The following WDR7 variants were observed in gnomAD, a reference collection of about 807,000 sequenced individuals.
WDR7 encodes WD repeat domain 7, also known as WD repeat-containing protein 7.
A neutral mutation model predicts 169.4 loss-of-function variants in WDR7; 46 were observed. The ratio of observed to expected loss-of-function variants is 0.27; its 90% CI spans 0.21 to 0.35. The LOEUF is 0.35. WDR7 is among the 10% of genes least tolerant of loss of function. The pLI is 1.00. For synonymous variants in WDR7, 612 were observed against 666.8 expected, an observed-to-expected ratio of 0.92 and a Z score of 1.27; for missense variants, 1,534 against 1,859.3, an observed-to-expected ratio of 0.83 and a Z score of 3.22.
At chr18:56,809,192 C>A (rs905724774) in intron 19 of WDR7, among the ~76,000 whole-genome samples, 2 of 152,120 alleles carry the variant, frequency 1.3e-5, no homozygotes, top group Non-Finnish European at 2.9e-5. Flanking sequence ...TGGATACTCA[C>A]TGGTTTTTTA....
chr18:56,794,172 C>T (rs2044539737), intron 19 of WDR7, among the ~76,000 whole-genome samples: 1 of 151,938 alleles, frequency 6.6e-6, no homozygotes, highest in South Asian at 2.1e-4. Context: ...TGCCTAGTTT[C>T]AATGGTTACT....
intron 26 of WDR7, among the ~76,000 whole-genome samples, chr18:56,963,961 CCTTGT>C (rs2047370590): frequency 6.7e-6 from 1 of 150,274 alleles, no homozygotes; most frequent in Non-Finnish European, 1.5e-5. Context: ...AACAAGGTGA[CCTTGT>C]CAGGCTTCTT....
At chr18:57,034,925 C>T in the WDR7 span, 186 of 152,232 alleles carry the variant, frequency 1.2e-3, no homozygotes, top group African/African-American at 4.3e-3. Flanking sequence ...GCTGAACTCA[C>T]CTCTAAAAAT....
intron 1 of WDR7, among the ~76,000 whole-genome samples, chr18:56,668,466 C>G (rs997636980): frequency 6.6e-6 from 1 of 152,176 alleles, no homozygotes; most frequent in African/African-American, 2.4e-5. Context: ...TGAGACTTCT[C>G]TCATGCTCTG....
At chr18:56,870,595 A>T (rs1420210277) in intron 20 of WDR7, among the ~76,000 whole-genome samples, 1 of 152,218 alleles carries the variant, frequency 6.6e-6, no homozygotes, top group Non-Finnish European at 1.5e-5. Context: ...GCATACAATG[A>T]TAATTAAAAA....
chr18:56,861,814 A>T (rs957842307), intron 20 of WDR7, among the ~76,000 whole-genome samples: 2 of 152,136 alleles, frequency 1.3e-5, no homozygotes, highest in Non-Finnish European at 2.9e-5. Context: ...ATTAAATCTC[A>T]TGATTTTGAA....
chr18:56,786,497 C>G (rs2044402355), intron 19 of WDR7, among the ~76,000 whole-genome samples: 1 of 151,668 alleles, frequency 6.6e-6, no homozygotes, highest in Admixed American at 6.6e-5. Flanking sequence ...CCACTGCACT[C>G]CAGCCTGGGT....
chr18:56,776,533 A>C (rs956120658), intron 16 of WDR7, among the ~76,000 whole-genome samples: 1 of 152,188 alleles, frequency 6.6e-6, no homozygotes, highest in Admixed American at 6.5e-5. Flanking sequence ...TAGTCAATAC[A>C]TTCATCAGAA....
chr18:56,953,978 A>C (rs2047216652), intron 25 of WDR7, among the ~76,000 whole-genome samples: 1 of 152,246 alleles, frequency 6.6e-6, no homozygotes, highest in Non-Finnish European at 1.5e-5. Flanking sequence ...AGAATGAAGA[A>C]ATTCTCAAGC....
intron 21 of WDR7, among the ~76,000 whole-genome samples, chr18:56,909,679 A>G (rs1480297171): frequency 6.6e-6 from 1 of 152,144 alleles, no homozygotes; most frequent in African/African-American, 2.4e-5. Context: ...GCAATAGAAT[A>G]ACAGAAAAAT....
intron 20 of WDR7, among the ~76,000 whole-genome samples, chr18:56,838,103 A>C (rs1160664474): frequency 6.6e-6 from 1 of 152,180 alleles, no homozygotes; most frequent in Non-Finnish European, 1.5e-5. Flanking sequence ...GTTTCAACAA[A>C]AGCACTGCAT....
At chr18:56,844,493 A>C (rs2045538810) in intron 20 of WDR7, among the ~76,000 whole-genome samples, 1 of 152,188 alleles carries the variant, frequency 6.6e-6, no homozygotes, top group Non-Finnish European at 1.5e-5. Context: ...ATTAGACTCT[A>C]AATTGAAATA....
chr18:56,708,937 AAAC>A lies in WDR7; in HGVS notation c.1579-9013_1579-9011del, dbSNP rs373468675. On this transcript the variant is annotated intron_variant, in intron 12 of 27. Coordinates refer to ENST00000254442, the MANE Select transcript of WDR7 (RefSeq NM_015285.3). ...GTGCAACAGAACGAGACTCTGTCTCAAACAACAACAACAACAGCAACAACAACA... is the reference window on the plus strand; with the variant it reads ...GTGCAACAGAACGAGACTCTGTCTCAAACAACAACAACAGCAACAACAACA... 4.2e-3 allele frequency among the ~76,000 whole-genome samples: 643 copies of A among 152,252 alleles called. 5 individuals are homozygous for A. The highest frequency in any genetic ancestry group is 0.036 in the East Asian group (188 of 5,186).
intron 25 of WDR7, among the ~76,000 whole-genome samples, chr18:56,956,818 T>A (rs2047256974): frequency 6.6e-6 from 1 of 152,204 alleles, no homozygotes. Context: ...GTAACCTACA[T>A]GCATATCCTG....
rs185137233 is a variant in WDR7, at chr18:57,017,243, C to T, written c.4165-3502C>T. Among the ~76,000 whole-genome samples, 19 of 152,352 alleles carry T rather than the reference C, an allele frequency of 1.2e-4. No individual in the cohort carries two copies. The South Asian group carries it at 2.3e-3, about 18-fold the overall frequency. Reference sequence around the variant, plus strand: ...CCTCTCGGGCTGAGATTGTAATGAACTCACCAGATGTACCAAGCCATTTAA... The same window carrying T: ...CCTCTCGGGCTGAGATTGTAATGAATTCACCAGATGTACCAAGCCATTTAA... On this transcript the variant is annotated intron_variant, in intron 26 of 27. Coordinates refer to ENST00000254442, the MANE Select transcript of WDR7 (RefSeq NM_015285.3).
At chr18:56,732,647 A>G (rs1439849565) in intron 14 of WDR7, among the ~76,000 whole-genome samples, 1 of 152,206 alleles carries the variant, frequency 6.6e-6, no homozygotes, top group Non-Finnish European at 1.5e-5. Flanking sequence ...TTTATCAGCT[A>G]TGTTGTATTG....
intron 13 of WDR7, among the ~76,000 whole-genome samples, chr18:56,723,402 C>G (rs140380240): frequency 1.4e-3 from 209 of 150,812 alleles, no homozygotes; most frequent in African/African-American, 5.0e-3. Flanking sequence ...TGTAGGTCTG[C>G]AGGTGATGAA....
At chr18:56,943,440 G>C (rs1349974476) in intron 25 of WDR7, among the ~76,000 whole-genome samples, 1 of 151,662 alleles carries the variant, frequency 6.6e-6, no homozygotes, top group African/African-American at 2.4e-5. Flanking sequence ...TCAGCATTCG[G>C]TTGCTGTGGT....
At chr18:56,719,148 C>G (rs1452463367) in intron 13 of WDR7, among the ~76,000 whole-genome samples, 2 of 152,130 alleles carry the variant, frequency 1.3e-5, no homozygotes, top group African/African-American at 2.4e-5. Context: ...ACTTTTTGGT[C>G]AAGTTTTAAA....
Sources: allele counts gnomAD v4.1 joint callset (sites outside exome capture counted in the v4.1 genomes callset), GRCh38; gene constraint gnomAD v4.1.1; transcripts MANE v1.5; gene names NCBI Gene and HGNC (gene_info 2026-07-23, HGNC 2026-07-21).